C9orf72: variants seen among roughly 807,000 people sequenced by gnomAD.
The protein encoded by C9orf72 is C9orf72-SMCR8 complex subunit.
Under a neutral mutation model 51.6 loss-of-function variants are expected in C9orf72, and 44 were observed. The observed-to-expected ratio is 0.85, with a 90% CI of 0.67 to 1.10. The LOEUF is 1.10. Among genes scored for constraint, C9orf72 ranks in the 50% least tolerant of loss-of-function variants. C9orf72 has a pLI of 0.00. For synonymous variants in C9orf72, 213 were observed against 194.2 expected (o/e 1.10, Z -0.81); for missense variants, 607 against 570.6 (o/e 1.06, Z -0.65).
rs1055027746 is a variant in C9orf72 at position 27,560,520 on chromosome 9, A to G, written c.666-221T>C. The G allele has an allele frequency of 1.3e-5, 9 of 701,488 alleles. No homozygotes were observed. The African/African-American group carries it at 1.5e-4, about 12-fold the overall frequency. The allele number at this position is 701,488 out of a possible 1,614,324, so 43.5% of individuals were successfully genotyped here. ...TATTGAGCCTTAAAACAGCCCAATTAGTCAGTATAATATCATTTAATTAAT... is the reference window on the plus strand; with the variant it reads ...TATTGAGCCTTAAAACAGCCCAATTGGTCAGTATAATATCATTTAATTAAT... On this transcript the variant is annotated intron_variant, in intron 5 of 10. Transcript: ENST00000380003.
intron 8 of C9orf72, 200 bp downstream of exon 8, chr9:27,556,361 T>C: frequency 1.7e-6 from 1 of 583,750 alleles, no homozygotes; most frequent in Admixed American, 3.0e-5. Context: ...GGGTTAATCT[T>C]ACCTATTTTA....
At chr9:27,550,583 G>T in intron 9 of C9orf72, 67 bp downstream of exon 9, 1 of 970,618 alleles carries the variant, frequency 1.0e-6, no homozygotes, top group Non-Finnish European at 1.6e-6. Context: ...AACAGGCATT[G>T]TAGGATATAT....
chr9:27,573,235 G>C (rs1819629656), intron 1 of C9orf72, among the ~76,000 whole-genome samples, 196 bp downstream of exon 1: 1 of 146,960 alleles, frequency 6.8e-6, no homozygotes, highest in African/African-American at 2.7e-5. Flanking sequence ...GCCGCCGCCG[G>C]GAAGCCCGGG....
In C9orf72 at chr9:27,566,893, C is replaced by G. The variant is rs1819480050; in HGVS notation, c.228G>C (p.Glu76Asp). 3 of 1,614,034 alleles carry G rather than the reference C, an allele frequency of 1.9e-6. No homozygotes were observed. Among genetic ancestry groups the G allele is most frequent in the Non-Finnish European group, 2.5e-6 (3 of 1,179,924 alleles). Reference protein sequence around the residue: ...TLNGEILRNAESGAIDVKFFV... With the variant: ...TLNGEILRNADSGAIDVKFFV... The stretch of plus-strand genomic sequence containing the variant: ...AAAACTTTACATCTATAGCACCACT[C>G]TCTGCATTTCGAAGGATTTCTCCAT... Residue 76 changes from glutamate (E) to aspartate (D), a missense_variant, in exon 2 of 11, where the codon GAG becomes GAC. Transcript: ENST00000380003.
intron 8 of C9orf72, among the ~76,000 whole-genome samples, chr9:27,555,961 TATC>T (rs1331541331): frequency 6.6e-6 from 1 of 152,080 alleles, no homozygotes; most frequent in Non-Finnish European, 1.5e-5. Context: ...ATTATAGATT[TATC>T]ATCATCATTT....
In C9orf72 at chr9:27,566,969, T is replaced by C. The variant is rs761388023; in HGVS notation, c.152A>G (p.Gln51Arg). 1.9e-6 allele frequency: 3 copies of C among 1,614,152 alleles called. No homozygotes were observed. The highest frequency in any genetic ancestry group is 2.5e-6 in the Non-Finnish European group (3 of 1,179,962). Residue 51 changes from glutamine (Q) to arginine (R), a missense_variant, in exon 2 of 11, where the codon CAG becomes CGG. Transcript: ENST00000380003. ...TATTTCTCCATCACTGAGAAGTACC[T>C]GTTCTGTCTTTGGAGCCCAAATGTG... ...VRHIWAPKTE[Q>R]VLLSDGEITF...
Position 27,550,721 on chromosome 9 carries a change from G to A in C9orf72, c.1092-14C>T. The A allele has an allele frequency of 6.6e-7, 1 of 1,512,792 alleles. No individual in the cohort carries two copies. Among genetic ancestry groups the A allele is most frequent in the Non-Finnish European group, 9.0e-7 (1 of 1,106,438 alleles). 93.7% of individuals were successfully genotyped at this position (1,512,792 alleles called of 1,614,324 possible). A position where few individuals can be genotyped will look rare whatever the true frequency, so the allele number is the denominator to read the frequency against. ...TGAAAAATATTCCTGAAGAAAAGAA[G>A]AAAATGAAGAAAAGAAAAAAGTTCA... On this transcript the variant is annotated splice_polypyrimidine_tract_variant and intron_variant, in intron 8 of 10. Transcript: ENST00000380003.
At chr9:27,568,568 TAC>T (rs35885657) in intron 1 of C9orf72, among the ~76,000 whole-genome samples, 8,806 of 152,264 alleles carry the variant, frequency 0.058, 290 homozygotes, top group East Asian at 0.11. Flanking sequence ...TTCTTGCAAA[TAC>T]AGTTATGTGC....
chr9:27,554,176 A>AATT (rs1820964051), intron 8 of C9orf72, among the ~76,000 whole-genome samples: 1 of 152,166 alleles, frequency 6.6e-6, no homozygotes, highest in African/African-American at 2.4e-5. Context: ...TATGTACCTA[A>AATT]AGGAATACAA....
At chr9:27,557,789 T>C (rs1010511586) in intron 7 of C9orf72, among the ~76,000 whole-genome samples, 3 of 152,042 alleles carry the variant, frequency 2.0e-5, no homozygotes, top group Non-Finnish European at 4.4e-5. Context: ...AAGCCTAATA[T>C]AACTTGTATT....
At chr9:27,552,992 G>C (rs1820939185) in intron 8 of C9orf72, among the ~76,000 whole-genome samples, 1 of 152,056 alleles carries the variant, frequency 6.6e-6, no homozygotes, top group African/African-American at 2.4e-5. Context: ...TTAGGGAAGA[G>C]TTCCTCCTCC....
chr9:27,561,426 G>A (rs1417514364), intron 5 of C9orf72, 159 bp downstream of exon 5: 5 of 1,408,072 alleles, frequency 3.6e-6, no homozygotes, highest in Middle Eastern at 5.1e-4. Context: ...AATATAATGA[G>A]TGAAAAATAA....
intron 3 of C9orf72, among the ~76,000 whole-genome samples, chr9:27,564,018 G>A (rs1819411484): frequency 1.3e-5 from 2 of 151,926 alleles, no homozygotes; most frequent in Non-Finnish European, 2.9e-5. Context: ...CAATCAAAAG[G>A]CAACTCCTCC....
Position 27,558,583 on chromosome 9 carries a change from GA to G in C9orf72, c.762del (p.Leu255Ter). On this transcript the variant is annotated frameshift_variant, in exon 7 of 11. Transcript: ENST00000380003. LOFTEE classifies it high-confidence loss of function. ...GAGCATTTTCTCTCTGCTGGAGTCA[GA>G]AAAAGGCATAATGTTCTGACTATCT... is the stretch of plus-strand genomic sequence containing the variant. ...VNKIVRTLCL[F>X]LTPAERKCSR... is the part of the protein sequence containing the mutation. 1 of 1,596,632 alleles carries G rather than the reference GA, an allele frequency of 6.3e-7. No individual in the cohort carries two copies. The highest frequency in any genetic ancestry group is 8.5e-7 in the Non-Finnish European group (1 of 1,171,190).
chr9:27,554,500 G>T, intron 8 of C9orf72: 1 of 397,768 alleles, frequency 2.5e-6, no homozygotes, highest in South Asian at 1.3e-4. Context: ...GTGGGAGAAG[G>T]GTGAGGATCA....
intron 1 of C9orf72, among the ~76,000 whole-genome samples, chr9:27,571,856 T>G (rs997313901): frequency 6.6e-6 from 1 of 152,192 alleles, no homozygotes; most frequent in Non-Finnish European, 1.5e-5. Context: ...CAGGACCACT[T>G]CAAGGACAGT....
At chr9:27,563,743 T>G (rs188524798) in intron 3 of C9orf72, among the ~76,000 whole-genome samples, 71 of 151,800 alleles carry the variant, frequency 4.7e-4, no homozygotes, top group African/African-American at 1.5e-3. Flanking sequence ...GCTGAAAGTT[T>G]TATTTAAAAA....
rs117140980 is a variant in C9orf72, at chr9:27,557,069, T to C, written c.856-273A>G. Among the ~76,000 whole-genome samples the C allele has an allele frequency of 3.4e-3, 511 of 152,264 alleles. 2 individuals carry two copies. The highest frequency in any genetic ancestry group is 5.2e-3 in the Admixed American group (79 of 15,302). On this transcript the variant is annotated intron_variant, in intron 7 of 10. Coordinates refer to ENST00000380003, the MANE Select transcript of C9orf72 (RefSeq NM_018325.5). ...TATTTGGCATCTATAGATGAAGTTG[T>C]TGAAGTTTGTGTTGATATTCAAAGA...
rs2131525028 is a variant in C9orf72, at chr9:27,546,771, A to G, written c.*1465T>C. On this transcript the variant is annotated 3_prime_UTR_variant, in exon 11 of 11. Coordinates refer to ENST00000380003, the MANE Select transcript of C9orf72 (RefSeq NM_018325.5). ...GTAGTATTTATATATTTTTTAAATG[A>G]CTGAGCTACAGTACAACAGTCATCT... 1 of 152,308 alleles carries G rather than the reference A, an allele frequency of 6.6e-6. No homozygotes were observed. Among genetic ancestry groups the G allele is most frequent in the African/African-American group, 2.4e-5 (1 of 41,566 alleles). 9.4% of individuals were successfully genotyped at this position (152,308 alleles called of 1,614,324 possible).
Sources: allele counts gnomAD v4.1 joint callset (sites outside exome capture counted in the v4.1 genomes callset), GRCh38; gene constraint gnomAD v4.1.1; transcripts MANE v1.5; gene names NCBI Gene and HGNC (gene_info 2026-07-23, HGNC 2026-07-21).